The following SNX7 variants were observed in gnomAD, a reference collection of about 807,000 sequenced individuals.
The protein encoded by SNX7 is sorting nexin 7, also known as sorting nexin-7.
In SNX7, 35 loss-of-function variants were observed where a neutral mutation model predicts 48.4. The ratio of observed to expected loss-of-function variants is 0.72; its 90% CI spans 0.55 to 0.96. The LOEUF (loss-of-function observed/expected upper bound fraction) is 0.96, where lower values mean the gene tolerates loss of function less well. SNX7 is among the 40% of genes least tolerant of loss of function. SNX7 has a pLI of 0.00. For missense variants in SNX7, 553 were observed against 548.9 expected (o/e 1.01, Z -0.07); for synonymous variants, 190 against 190.2 (o/e 1.00, Z 0.01).
At chr1:98,673,475 A>G (rs1649989275) in intron 1 of SNX7, among the ~76,000 whole-genome samples, 1 of 152,100 alleles carries the variant, frequency 6.6e-6, no homozygotes, top group South Asian at 2.1e-4. Flanking sequence ...TTCTTATCTG[A>G]AATTATCTTA....
intron 3 of SNX7, 136 bp from the exon 4 acceptor site, chr1:98,691,399 T>C: frequency 2.4e-6 from 2 of 829,248 alleles, no homozygotes; most frequent in Non-Finnish European, 3.5e-6. Context: ...GGTTCTAACA[T>C]TGTGAATTTT....
intron 7 of SNX7, among the ~76,000 whole-genome samples, chr1:98,716,614 G>T (rs1652604196): frequency 6.6e-6 from 1 of 152,124 alleles, no homozygotes; most frequent in African/African-American, 2.4e-5. Flanking sequence ...TGGAGATTTT[G>T]ATAAGAAAGT....
chr1:98,735,566 C>CA (rs1653731395), intron 7 of SNX7, among the ~76,000 whole-genome samples: 2 of 152,040 alleles, frequency 1.3e-5, no homozygotes, highest in South Asian at 4.1e-4. Flanking sequence ...AGAAGAATGA[C>CA]ATATTACCAG....
rs543065251 is a variant in SNX7, at chr1:98,753,533, G to A, written c.1279-6521G>A. Among the ~76,000 whole-genome samples the A allele has an allele frequency of 1.1e-4, 17 of 152,202 alleles. No individual in the cohort carries two copies. The South Asian group carries it at 3.5e-3, about 32-fold the overall frequency. Reference sequence around the variant, plus strand: ...TTATTTGACAGGAATTCTAAATAGAGCAGACTGCTTAGAATTTCATTTTGA... The same window carrying A: ...TTATTTGACAGGAATTCTAAATAGAACAGACTGCTTAGAATTTCATTTTGA... On this transcript the variant is annotated intron_variant, in intron 8 of 8. Coordinates refer to ENST00000306121, the MANE Select transcript of SNX7 (RefSeq NM_015976.5).
At chr1:98,712,073 T>C (rs771615982) in intron 7 of SNX7, among the ~76,000 whole-genome samples, 3 of 152,354 alleles carry the variant, frequency 2.0e-5, no homozygotes, top group Admixed American at 1.3e-4. Flanking sequence ...GCTCTACTTC[T>C]AATTATAGTT....
rs374897678 is a variant in SNX7 at position 98,696,893 on chromosome 1, G to A, written c.838+1177G>A. On this transcript the variant is annotated intron_variant, in intron 5 of 8. Transcript: ENST00000306121. ...TTATAAACTATCAATGAGTATCAAA[G>A]AGTAATTAAGATGGTACCTGTTAAG... 1.1e-4 allele frequency among the ~76,000 whole-genome samples: 16 copies of A among 152,128 alleles called. No homozygotes were observed. The East Asian group carries it at 2.9e-3, about 28-fold the overall frequency.
intron 7 of SNX7, among the ~76,000 whole-genome samples, chr1:98,734,412 C>CAA (rs1653672276): frequency 2.6e-5 from 4 of 152,158 alleles, no homozygotes; most frequent in African/African-American, 9.7e-5. Flanking sequence ...ATGGCTGGTG[C>CAA]TATTCAGTCC....
chr1:98,716,094 C>A (rs1652576322), intron 7 of SNX7, among the ~76,000 whole-genome samples: 1 of 152,070 alleles, frequency 6.6e-6, no homozygotes, highest in Admixed American at 6.6e-5. Flanking sequence ...AGGCTCTCAT[C>A]TTTTTTATAT....
chr1:98,758,935 A>G (rs1420526313), intron 8 of SNX7, among the ~76,000 whole-genome samples: 1 of 81,722 alleles, frequency 1.2e-5, no homozygotes. Flanking sequence ...TTGTGCATAC[A>G]CACACACACA....
chr1:98,680,142 G>A (rs12743446), intron 1 of SNX7, among the ~76,000 whole-genome samples: 12 of 152,258 alleles, frequency 7.9e-5, no homozygotes, highest in Non-Finnish European at 1.5e-4. Flanking sequence ...CTTGACTTTG[G>A]TGCATTGTCT....
intron 1 of SNX7, among the ~76,000 whole-genome samples, chr1:98,677,654 TGGATCACGAGGTCAG>T (rs1650238165): frequency 6.6e-6 from 1 of 151,954 alleles, no homozygotes; most frequent in Admixed American, 6.6e-5. Context: ...CCGAGGTGGG[TGGATCACGAGGTCAG>T]GAGTTCAAGA....
intron 1 of SNX7, chr1:98,662,716 A>G: frequency 7.8e-7 from 1 of 1,289,396 alleles, no homozygotes; most frequent in Non-Finnish European, 1.0e-6. Flanking sequence ...ATGTCACTCC[A>G]GTTTCTCAAG....
Position 98,701,829 on chromosome 1 carries a change from A to C in SNX7, c.1051A>C (p.Arg351=). ...YSEMLMGVMK[R]RDQIQAELDS... ...TTTTAATGTAAAGGGTGTTATGAAA[A>C]GAAGAGACCAAATACAAGCAGAACT... The change falls in exon 7 of 9, where the codon AGA becomes CGA. Residue 351 remains arginine, a synonymous_variant. Coordinates refer to ENST00000306121, the MANE Select transcript of SNX7 (RefSeq NM_015976.5). The C allele has an allele frequency of 1.2e-6, 2 of 1,610,102 alleles. No homozygotes were observed. Among genetic ancestry groups the C allele is most frequent in the Non-Finnish European group, 1.7e-6 (2 of 1,177,882 alleles).
chr1:98,684,653 C>T (rs535131874), intron 1 of SNX7, among the ~76,000 whole-genome samples: 2 of 152,248 alleles, frequency 1.3e-5, no homozygotes, highest in Admixed American at 6.5e-5. Flanking sequence ...CAAACCATAG[C>T]AATCCTTGAG....
intron 8 of SNX7, among the ~76,000 whole-genome samples, chr1:98,757,607 T>A (rs1265741485): frequency 6.6e-6 from 1 of 152,038 alleles, no homozygotes; most frequent in East Asian, 1.9e-4. Flanking sequence ...AGAGCTTCAG[T>A]CCATAACACT....
chr1:98,754,132 C>G (rs929424410), intron 8 of SNX7, among the ~76,000 whole-genome samples: 2 of 151,818 alleles, frequency 1.3e-5, no homozygotes, highest in South Asian at 4.1e-4. Flanking sequence ...AATTTTTTGT[C>G]TGTTGAGATA....
At chr1:98,755,080 C>T (rs1407039131) in intron 8 of SNX7, among the ~76,000 whole-genome samples, 2 of 151,922 alleles carry the variant, frequency 1.3e-5, no homozygotes, top group African/African-American at 4.8e-5. Flanking sequence ...TATAATTGTC[C>T]TGTTTAGATT....
At chr1:98,672,590 G>C (rs571162689) in intron 1 of SNX7, among the ~76,000 whole-genome samples, 1 of 151,780 alleles carries the variant, frequency 6.6e-6, no homozygotes, top group East Asian at 1.9e-4. Context: ...TTTTAGAATA[G>C]AGTATTAAAT....
At position 98,678,813 on chromosome 1, in the gene SNX7, A is replaced by T. The variant is rs1650317406; in HGVS notation, c.181-6072A>T. Among the ~76,000 whole-genome samples the T allele has an allele frequency of 2.6e-5, 4 of 152,226 alleles. No homozygotes were observed. In the South Asian group the frequency reaches 8.3e-4, roughly 31 times the overall value. ...AGTCTATAGTCATATAATTAATTTA[A>T]ACAAAATATTATACTCTTTAGTCTC... On this transcript the variant is annotated intron_variant, in intron 1 of 8. Coordinates refer to ENST00000306121, the MANE Select transcript of SNX7 (RefSeq NM_015976.5).
Sources: allele counts gnomAD v4.1 joint callset (sites outside exome capture counted in the v4.1 genomes callset), GRCh38; gene constraint gnomAD v4.1.1; transcripts MANE v1.5; gene names NCBI Gene and HGNC (gene_info 2026-07-23, HGNC 2026-07-21).